Variants in PCDHGB5 observed in about 807,000 individuals in gnomAD.
The protein encoded by PCDHGB5 is protocadherin gamma subfamily B, 5.
In PCDHGB5, 48 loss-of-function variants were observed where a neutral mutation model predicts 62.9. The ratio of observed to expected loss-of-function variants is 0.76; its 90% CI spans 0.61 to 0.97. The LOEUF (loss-of-function observed/expected upper bound fraction) is 0.97. Among genes scored for constraint, PCDHGB5 ranks in the 50% least tolerant of loss-of-function variants. The pLI, the probability that PCDHGB5 is intolerant of heterozygous loss-of-function variation, is 0.00. For synonymous variants in PCDHGB5, 474 were observed against 511.2 expected (o/e 0.93, Z 0.98); for missense variants, 1,118 against 1,198.6 (o/e 0.93, Z 0.99).
In PCDHGB5 at chr5:141,431,766, C is replaced by T. The variant is rs1474420822; in HGVS notation, c.2397+31242C>T. Reference sequence around the variant, plus strand: ...TCTGCGCGAGCCAAAGTCCTGATCACTGTTCTGGACGTGAACGACAATGCC... The same window carrying T: ...TCTGCGCGAGCCAAAGTCCTGATCATTGTTCTGGACGTGAACGACAATGCC... On this transcript the variant is annotated intron_variant, in intron 1 of 3. Transcript: ENST00000617380. The surrounding 1 kb of genome is among the most constrained non-coding windows in gnomAD (Gnocchi z 4.8). 2.5e-6 allele frequency: 4 copies of T among 1,614,196 alleles called. No individual in the cohort carries two copies. Among genetic ancestry groups the T allele is most frequent in the Non-Finnish European group, 3.4e-6 (4 of 1,180,010 alleles).
At chr5:141,434,070 T>C (rs1004240895) in intron 1 of PCDHGB5, among the ~76,000 whole-genome samples, 3 of 152,226 alleles carry the variant, frequency 2.0e-5, no homozygotes, top group Non-Finnish European at 2.9e-5. Context: ...TCTGTTAATA[T>C]CAATTATTTA....
Position 141,415,491 on chromosome 5 carries a change from G to C in PCDHGB5, c.2397+14967G>C, listed in dbSNP as rs1386703838. 3.7e-6 allele frequency: 6 copies of C among 1,614,090 alleles called. No homozygotes were observed. The Admixed American group carries it at 8.3e-5, about 22-fold the overall frequency. ...CCGCGGACTCGCGAAAGAGTCACCTGATCTTCCCCCAGCCCAATTATGCGG... is the reference window on the plus strand; with the variant it reads ...CCGCGGACTCGCGAAAGAGTCACCTCATCTTCCCCCAGCCCAATTATGCGG... On this transcript the variant is annotated intron_variant, in intron 1 of 3. Coordinates refer to ENST00000617380, the MANE Select transcript of PCDHGB5 (RefSeq NM_018925.3).
intron 1 of PCDHGB5, chr5:141,418,485 A>G (rs1216502936): frequency 6.2e-7 from 1 of 1,614,028 alleles, no homozygotes; most frequent in South Asian, 1.1e-5. Context: ...AGCGCTCACC[A>G]CTTGGTACTG....
At chr5:141,421,619 C>G in intron 1 of PCDHGB5, 1 of 1,613,694 alleles carries the variant, frequency 6.2e-7, no homozygotes, top group Non-Finnish European at 8.5e-7. Flanking sequence ...AATGATAACG[C>G]CCCCAGCTTC....
At position 141,487,194 on chromosome 5, in the gene PCDHGB5, C is replaced by T. The variant is rs148502966; in HGVS notation, c.2398-7613C>T. 2 of 1,613,868 alleles carry T rather than the reference C, an allele frequency of 1.2e-6. No homozygotes were observed. The highest frequency in any genetic ancestry group is 1.3e-5 in the African/African-American group (1 of 75,030). On this transcript the variant is annotated intron_variant, in intron 1 of 3. Coordinates refer to ENST00000617380, the MANE Select transcript of PCDHGB5 (RefSeq NM_018925.3). The surrounding 1 kb of genome is among the most constrained non-coding windows in gnomAD (Gnocchi z 5.0). ...GAGGAAGACACTCATCCAGTTGTCC[C>T]AGATCTTCGAGAATCTTCAGCTCCA... is the stretch of plus-strand genomic sequence containing the variant.
chr5:141,477,898 AG>A lies in PCDHGB5; in HGVS notation c.2398-16907del. The stretch of plus-strand genomic sequence containing the variant: ...CTGGCCACCTAGTGTCACGGGTGGT[AG>A]GCTGGGACGCGGATGCAGGGCACAA... On this transcript the variant is annotated intron_variant, in intron 1 of 3. Coordinates refer to ENST00000617380, the MANE Select transcript of PCDHGB5 (RefSeq NM_018925.3). The surrounding 1 kb of genome is among the most constrained non-coding windows in gnomAD (Gnocchi z 4.9). The A allele has an allele frequency of 6.2e-7, 1 of 1,614,158 alleles. No individual in the cohort carries two copies. Among genetic ancestry groups the A allele is most frequent in the Non-Finnish European group, 8.5e-7 (1 of 1,180,036 alleles).
In PCDHGB5 at chr5:141,476,839, G is replaced by T; in HGVS notation, c.2398-17968G>T. The T allele has an allele frequency of 1.9e-6, 3 of 1,613,610 alleles. No individual in the cohort carries two copies. Among genetic ancestry groups the T allele is most frequent in the East Asian group, 2.2e-5 (1 of 44,862 alleles). ...AGGTGCTGGACGCGAATGACAATGC[G>T]CCTGTCTTCAACCAGTCCTTGTACC... On this transcript the variant is annotated intron_variant, in intron 1 of 3. Coordinates refer to ENST00000617380, the MANE Select transcript of PCDHGB5 (RefSeq NM_018925.3). This position sits in a 1 kb window ranked among gnomAD's most constrained non-coding sequence, Gnocchi z 7.6.
chr5:141,459,295 A>C (rs571675117), intron 1 of PCDHGB5, among the ~76,000 whole-genome samples: 2 of 152,368 alleles, frequency 1.3e-5, no homozygotes, highest in South Asian at 4.1e-4. Context: ...ATGGAATCCT[A>C]TAACATATAC....
intron 1 of PCDHGB5, chr5:141,433,063 G>T (rs1411651811): frequency 3.1e-6 from 5 of 1,614,176 alleles, no homozygotes; most frequent in Non-Finnish European, 4.2e-6. Flanking sequence ...AGAGTCACCT[G>T]ATCTTCCCCC....
rs117064561 is a variant in PCDHGB5, at chr5:141,470,737, G to T, written c.2398-24070G>T. Among the ~76,000 whole-genome samples the T allele has an allele frequency of 1.9e-3, 295 of 152,132 alleles. 7 individuals carry two copies. In the East Asian group the frequency reaches 0.046, roughly 24 times the overall value. On this transcript the variant is annotated intron_variant, in intron 1 of 3. Coordinates refer to ENST00000617380, the MANE Select transcript of PCDHGB5 (RefSeq NM_018925.3). ...TTTTGAGTCAGGGTCTTGCTCTGTC[G>T]CCCTGGCTGGAGTGCAGTGGACTCA...
chr5:141,499,174 C>T (rs930279867), intron 2 of PCDHGB5, among the ~76,000 whole-genome samples: 20 of 152,198 alleles, frequency 1.3e-4, no homozygotes, highest in Middle Eastern at 3.4e-3. Flanking sequence ...AGCTCTGAGC[C>T]CAGCAAACCA....
chr5:141,437,978 C>T (rs1014157103), intron 1 of PCDHGB5, among the ~76,000 whole-genome samples: 2 of 152,212 alleles, frequency 1.3e-5, no homozygotes, highest in East Asian at 1.9e-4. Context: ...TCTTGGGATG[C>T]ACCCACCCCA....
At position 141,432,707 on chromosome 5, in the gene PCDHGB5, G is replaced by A. The variant is rs750859951; in HGVS notation, c.2397+32183G>A. ...CCTCGTAGTGGCCGTCCAGGACCAC[G>A]GCCAGCCCCCTCTCTCCGCCACTGT... On this transcript the variant is annotated intron_variant, in intron 1 of 3. Coordinates refer to ENST00000617380, the MANE Select transcript of PCDHGB5 (RefSeq NM_018925.3). The surrounding 1 kb of genome is among the most constrained non-coding windows in gnomAD (Gnocchi z 6.0). 5 of 1,613,988 alleles carry A rather than the reference G, an allele frequency of 3.1e-6. No individual in the cohort carries two copies. Among genetic ancestry groups the A allele is most frequent in the Non-Finnish European group, 4.2e-6 (5 of 1,179,970 alleles).
rs1280923293 is a variant in PCDHGB5 at position 141,478,837 on chromosome 5, G to A, written c.2398-15970G>A. ...AACTAACCAATCTTGCTAAGGGATG[G>A]TTAAGCTAAAACACAAGATCTCAGC... is the stretch of plus-strand genomic sequence containing the variant. On this transcript the variant is annotated intron_variant, in intron 1 of 3. Transcript: ENST00000617380. 3.5e-6 allele frequency: 5 copies of A among 1,428,112 alleles called. No homozygotes were observed. The African/African-American group carries it at 5.8e-5, about 16-fold the overall frequency. The allele number at this position is 1,428,112 out of a possible 1,614,324, so 88.5% of individuals were successfully genotyped here.
chr5:141,444,467 G>C (rs1288596542), intron 1 of PCDHGB5, among the ~76,000 whole-genome samples: 2 of 151,998 alleles, frequency 1.3e-5, no homozygotes, highest in Admixed American at 6.6e-5. Flanking sequence ...CACTGCGCCC[G>C]GTCGCGTACT....
intron 2 of PCDHGB5, among the ~76,000 whole-genome samples, chr5:141,503,292 A>T (rs7710319): frequency 0.52 from 78,681 of 151,966 alleles, 21,044 homozygotes; most frequent in African/African-American, 0.62. Flanking sequence ...TGGTACATAG[A>T]AATTGCTCAA....
intron 1 of PCDHGB5, chr5:141,422,627 C>T: frequency 6.2e-7 from 1 of 1,613,350 alleles, no homozygotes; most frequent in Non-Finnish European, 8.5e-7. Flanking sequence ...GAAAACAACC[C>T]CAGGGGTGCC....
chr5:141,430,826 C>T (rs993762069), intron 1 of PCDHGB5: 1 of 1,550,298 alleles, frequency 6.5e-7, no homozygotes, highest in Non-Finnish European at 8.7e-7. Context: ...CCTGGGGACT[C>T]TGTGGGAGAC....
Position 141,431,910 on chromosome 5 carries a change from G to A in PCDHGB5, c.2397+31386G>A. The A allele has an allele frequency of 6.2e-7, 1 of 1,614,096 alleles. No individual in the cohort carries two copies. Among genetic ancestry groups the A allele is most frequent in the Non-Finnish European group, 8.5e-7 (1 of 1,179,934 alleles). On this transcript the variant is annotated intron_variant, in intron 1 of 3. Transcript: ENST00000617380. This position sits in a 1 kb window ranked among gnomAD's most constrained non-coding sequence, Gnocchi z 4.8. ...TCTGAGGAAAACGGACAGGTGATCTGTTTCATCCAAGGAAATCTGCCCTTT... is the reference window on the plus strand; with the variant it reads ...TCTGAGGAAAACGGACAGGTGATCTATTTCATCCAAGGAAATCTGCCCTTT...
Sources: allele counts gnomAD v4.1 joint callset (sites outside exome capture counted in the v4.1 genomes callset), GRCh38; gene constraint gnomAD v4.1.1; non-coding constraint Gnocchi (gnomAD v3.1); transcripts MANE v1.5; gene names NCBI Gene and HGNC (gene_info 2026-07-23, HGNC 2026-07-21).